Variants in AKAP13 observed in about 807,000 individuals in gnomAD.
AKAP13 encodes the protein A-kinase anchoring protein 13.
Under a neutral mutation model 264.5 loss-of-function variants are expected in AKAP13, and 80 were observed. The ratio of observed to expected loss-of-function variants is 0.30; its 90% confidence interval spans 0.25 to 0.36. The LOEUF is 0.36. AKAP13 is among the 10% of genes least tolerant of loss of function. The pLI is 1.00. For synonymous variants in AKAP13, 1,380 were observed against 1,250.2 expected, an observed-to-expected ratio of 1.10 and a Z score of -2.19; for missense variants, 3,712 against 3,435.2, an observed-to-expected ratio of 1.08 and a Z score of -2.01.
chr15:85,553,330 C>T (rs535078524), intron 5 of AKAP13, among the ~76,000 whole-genome samples: 16 of 152,140 alleles, frequency 1.1e-4, no homozygotes, highest in African/African-American at 2.6e-4. Context: ...TCAGGTGATC[C>T]GCCTGCCTCG....
chr15:85,449,720 T>C (rs1215874414), intron 1 of AKAP13, among the ~76,000 whole-genome samples: 1 of 152,192 alleles, frequency 6.6e-6, no homozygotes, highest in Non-Finnish European at 1.5e-5. Flanking sequence ...TGAATCACAT[T>C]GATTGATTTT....
chr15:85,677,483 T>TCATG (rs2084292253), intron 14 of AKAP13, among the ~76,000 whole-genome samples: 1 of 152,210 alleles, frequency 6.6e-6, no homozygotes, highest in African/African-American at 2.4e-5. Context: ...TTGTTCTGTC[T>TCATG]CATGGGACAG....
In AKAP13 at chr15:85,432,367, T is replaced by TA. The variant is rs896840084; in HGVS notation, c.-12+51581dup. On this transcript the variant is annotated intron_variant, in intron 1 of 36. Transcript: ENST00000394518. ...TCTGTTCATGCCTCTCTGCAAATCT[T>TA]AAAAAAAAAAAAGTCGATTCAGTTT... Among the ~76,000 whole-genome samples the TA allele has an allele frequency of 2.3e-3, 334 of 144,930 alleles. 2 individuals are homozygous for TA. The highest frequency in any genetic ancestry group is 0.017 in the East Asian group (84 of 5,040).
chr15:85,649,648 T>G (rs774836649), intron 10 of AKAP13, among the ~76,000 whole-genome samples: 10 of 152,356 alleles, frequency 6.6e-5, no homozygotes, highest in Admixed American at 1.3e-4. Context: ...ACCTTAACCC[T>G]GTCTTTCCAT....
intron 7 of AKAP13, among the ~76,000 whole-genome samples, chr15:85,584,143 A>G (rs1379167275): frequency 6.6e-6 from 1 of 152,228 alleles, no homozygotes; most frequent in African/African-American, 2.4e-5. Flanking sequence ...TTCTACTCAT[A>G]GATTTAATCA....
At chr15:85,406,809 A>T (rs1002227282) in intron 1 of AKAP13, among the ~76,000 whole-genome samples, 17 of 151,710 alleles carry the variant, frequency 1.1e-4, no homozygotes, top group African/African-American at 3.9e-4. Context: ...ACACTTTGAG[A>T]GAAAAATGCA....
intron 30 of AKAP13, among the ~76,000 whole-genome samples, chr15:85,733,873 C>CTTTTTTTTTTTTTTT (rs72092500): frequency 1.0e-3 from 86 of 82,572 alleles, no homozygotes; most frequent in Non-Finnish European, 1.3e-3. Context: ...TCTTTCTTTT[C>CTTTTTTTTTTTTTTT]TTTTTTTTTT....
intron 10 of AKAP13, among the ~76,000 whole-genome samples, chr15:85,650,925 G>T (rs2082807099): frequency 6.6e-6 from 1 of 151,958 alleles, no homozygotes; most frequent in African/African-American, 2.4e-5. Context: ...GTTGGCATGT[G>T]TTAGGTGTTT....
chr15:85,465,996 A>G, intron 1 of AKAP13, among the ~76,000 whole-genome samples: 1 of 151,870 alleles, frequency 6.6e-6, no homozygotes. Context: ...CTATTTCTCC[A>G]CATCCTCTCC....
chr15:85,498,576 C>T (rs1452247693), intron 2 of AKAP13, among the ~76,000 whole-genome samples: 1 of 136,660 alleles, frequency 7.3e-6, no homozygotes, highest in Admixed American at 7.3e-5. Context: ...CTATCAGCTC[C>T]CCAGGTTGAT....
chr15:85,568,159 G>T (rs569649074), intron 5 of AKAP13, among the ~76,000 whole-genome samples: 1 of 151,964 alleles, frequency 6.6e-6, no homozygotes, highest in Non-Finnish European at 1.5e-5. Flanking sequence ...AAATTAGCTC[G>T]TATGGTGGTG....
intron 1 of AKAP13, among the ~76,000 whole-genome samples, chr15:85,396,082 TTAA>T (rs1267721121): frequency 6.6e-6 from 1 of 152,212 alleles, no homozygotes; most frequent in South Asian, 2.1e-4. Flanking sequence ...TATATTAAAC[TTAA>T]TAAAATCTAT....
chr15:85,551,019 C>T (rs987668894), intron 5 of AKAP13, among the ~76,000 whole-genome samples: 16 of 152,078 alleles, frequency 1.1e-4, no homozygotes, highest in African/African-American at 2.4e-4. Flanking sequence ...TGTCCAAGGC[C>T]GTATAGTTAG....
In AKAP13 at chr15:85,579,186, A is replaced by C. The variant is rs2079109476; in HGVS notation, c.1118A>C (p.Asn373Thr). ...ENTDRSCRKK[N>T]KGVERKGEEV... ...ACAGACCGTTCCTGTAGGAAGAAAA[A>C]TAAAGGCGTGGAAAGAAAAGGGGAA... The change falls in exon 7 of 37, where the codon AAT (asparagine) becomes ACT (threonine). Residue 373 changes from asparagine (N) to threonine (T), a missense_variant. This residue lies in a region of AKAP13 where 2,759 missense variants were observed against 2,411.7 expected (regional missense o/e 1.14). Coordinates refer to ENST00000394518, the MANE Select transcript of AKAP13 (RefSeq NM_007200.5). The C allele has an allele frequency of 6.2e-7, 1 of 1,614,126 alleles. No homozygotes were observed. Among genetic ancestry groups the C allele is most frequent in the Non-Finnish European group, 8.5e-7 (1 of 1,180,052 alleles).
At chr15:85,678,351 T>C (rs1392414348) in intron 14 of AKAP13, among the ~76,000 whole-genome samples, 1 of 152,234 alleles carries the variant, frequency 6.6e-6, no homozygotes, top group East Asian at 1.9e-4. Flanking sequence ...ATTTTCACAC[T>C]ATTCTTAAAG....
chr15:85,736,690 ATCC>A (rs2088541621), intron 33 of AKAP13, among the ~76,000 whole-genome samples: 1 of 152,060 alleles, frequency 6.6e-6, no homozygotes, highest in Non-Finnish European at 1.5e-5. Flanking sequence ...AAGCCATCTT[ATCC>A]AGCGCTTCTT....
intron 8 of AKAP13, among the ~76,000 whole-genome samples, chr15:85,614,604 G>A (rs985550358): frequency 6.6e-6 from 1 of 152,134 alleles, no homozygotes; most frequent in African/African-American, 2.4e-5. Flanking sequence ...TTGATTATGA[G>A]TAATGAATCC....
chr15:85,504,479 C>T (rs1033878314), intron 2 of AKAP13, among the ~76,000 whole-genome samples: 4 of 122,034 alleles, frequency 3.3e-5, no homozygotes, highest in Non-Finnish European at 4.7e-5. Flanking sequence ...CCAGCCTATG[C>T]GATGTGGTGA....
intron 8 of AKAP13, among the ~76,000 whole-genome samples, chr15:85,633,766 G>C (rs1343060679): frequency 2.6e-5 from 4 of 151,478 alleles, no homozygotes; most frequent in Non-Finnish European, 4.4e-5. Context: ...GGATGGTCTC[G>C]ATCTCCTGAC....
Sources: allele counts gnomAD v4.1 joint callset (sites outside exome capture counted in the v4.1 genomes callset), GRCh38; gene constraint gnomAD v4.1.1; regional missense constraint gnomAD v4.1.1; transcripts MANE v1.5; gene names NCBI Gene and HGNC (gene_info 2026-07-23, HGNC 2026-07-21).